The following RIMS1 variants were observed in gnomAD, a reference collection of about 807,000 sequenced individuals.
The protein encoded by RIMS1 is regulating synaptic membrane exocytosis protein 1.
RIMS1 carries 83 observed loss-of-function variants against 214.1 expected under a neutral mutation model. That is an observed-to-expected ratio of 0.39 (90% confidence interval 0.32 to 0.47). RIMS1 has a LOEUF of 0.47. Ranked by LOEUF, RIMS1 falls within the 20% of genes least tolerant of loss-of-function variation. The pLI, the probability that RIMS1 is intolerant of heterozygous loss-of-function variation, is 0.99. For synonymous variants in RIMS1, 793 were observed against 786.8 expected (o/e 1.01, Z -0.13); for missense variants, 2,050 against 2,161.8 (o/e 0.95, Z 1.03).
chr6:71,946,878 CA>C (rs1401668241), intron 1 of RIMS1, among the ~76,000 whole-genome samples: 1 of 151,642 alleles, frequency 6.6e-6, no homozygotes, highest in African/African-American at 2.4e-5. Context: ...AATATATTTG[CA>C]AAATGTACAT....
At chr6:71,887,920 A>C (rs140606160) in intron 1 of RIMS1, among the ~76,000 whole-genome samples, 1 of 152,324 alleles carries the variant, frequency 6.6e-6, no homozygotes, top group African/African-American at 2.4e-5. Flanking sequence ...TGAATAACAT[A>C]GAGGTTCCTC....
At chr6:71,917,814 AT>A (rs1778867244) in intron 1 of RIMS1, among the ~76,000 whole-genome samples, 1 of 152,146 alleles carries the variant, frequency 6.6e-6, no homozygotes, top group African/African-American at 2.4e-5. Context: ...TACAAAACAT[AT>A]TTCAAAAGTG....
At position 72,163,252 on chromosome 6, in the gene RIMS1, T is replaced by G. The variant is rs1291474903; in HGVS notation, c.472-16323T>G. ...CAGCTCCATCAGGTCCTTTAAGGACTTCTCTGCTTTGGTTATTCTAGTTAG... is the reference window on the plus strand; with the variant it reads ...CAGCTCCATCAGGTCCTTTAAGGACGTCTCTGCTTTGGTTATTCTAGTTAG... On this transcript the variant is annotated intron_variant, in intron 4 of 33. Coordinates refer to ENST00000521978, the MANE Select transcript of RIMS1 (RefSeq NM_014989.7). Among the ~76,000 whole-genome samples, 2 of 140,378 alleles carry G rather than the reference T, an allele frequency of 1.4e-5. 1 individual carries two copies. The highest frequency in any genetic ancestry group is 3.2e-5 in the Non-Finnish European group (2 of 61,848). The allele number at this position is 140,378 out of a possible 152,430, so 92.1% of individuals were successfully genotyped here. A position where few individuals can be genotyped will look rare whatever the true frequency, so the allele number is the denominator to read the frequency against.
rs754554636 is a variant in RIMS1 at position 72,333,612 on chromosome 6, C to T, written c.4143C>T (p.Pro1381=). Residue 1381 remains proline (P), a synonymous_variant, in exon 29 of 34, where the codon CCC becomes CCT. Transcript: ENST00000521978. The part of the protein sequence containing the change: ...RPRGRISSFT[P]KMQGRRMGTS... ...TTTGTAAATATAGTTCATTTACCCC[C>T]AAAATGCAAGGCAGACGGATGGGGA... The T allele has an allele frequency of 1.9e-6, 3 of 1,587,644 alleles. No individual in the cohort carries two copies. In the Admixed American group the frequency reaches 5.3e-5, roughly 28 times the overall value.
chr6:72,380,490 A>G (rs912221737), intron 29 of RIMS1, among the ~76,000 whole-genome samples: 1 of 152,240 alleles, frequency 6.6e-6, no homozygotes, highest in Non-Finnish European at 1.5e-5. Flanking sequence ...GGTGGTAGAC[A>G]GTAAGGAGAT....
intron 4 of RIMS1, among the ~76,000 whole-genome samples, chr6:72,178,719 A>G (rs2048053859): frequency 6.6e-6 from 1 of 152,216 alleles, no homozygotes. Flanking sequence ...TGTGACAGCT[A>G]GTCATTGCTG....
rs568750538 is a variant in RIMS1 at position 72,221,094 on chromosome 6, C to T, written c.1679-12679C>T. Among the ~76,000 whole-genome samples, 23 of 152,114 alleles carry T rather than the reference C, an allele frequency of 1.5e-4. No homozygotes were observed. The South Asian group carries it at 3.9e-3, about 26-fold the overall frequency. On this transcript the variant is annotated intron_variant, in intron 6 of 33. Transcript: ENST00000521978. ...TGAAGTTTTTGCTTGAAGCTGTCCC[C>T]TTTGAGTTTGCTATATAGAGTCTTT...
rs1259453400 is a variant in RIMS1, at chr6:72,251,025, G to A, written c.2477G>A (p.Arg826Gln). 1.3e-5 allele frequency: 20 copies of A among 1,578,090 alleles called. No homozygotes were observed. Among genetic ancestry groups the A allele is most frequent in the Non-Finnish European group, 1.7e-5 (20 of 1,160,908 alleles). ...GTACATCGTAGAGATTTTAGAGAAC[G>A]AATGTTAGAAATAACTGTGTGGGAC... is the stretch of plus-strand genomic sequence containing the variant. ...SHVHRRDFRERMLEITVWDQP... is the reference protein window; with the variant it reads ...SHVHRRDFREQMLEITVWDQP... Residue 826 changes from arginine to glutamine, a missense_variant, in exon 14 of 34, where the codon CGA (arginine) becomes CAA (glutamine). Arg to Gln is a conservative substitution (Grantham distance 43, BLOSUM62 1). This residue lies in a region of RIMS1 where 889 missense variants were observed against 885.5 expected (regional missense o/e 1.00). Transcript: ENST00000521978.
chr6:72,274,496 G>A, intron 23 of RIMS1, 64 bp downstream of exon 23: 4 of 1,266,954 alleles, frequency 3.2e-6, no homozygotes, highest in South Asian at 1.2e-5. Flanking sequence ...CCAACTGAAG[G>A]ATAACCAAGA....
chr6:71,966,947 G>T (rs1381286032), intron 1 of RIMS1, among the ~76,000 whole-genome samples: 1 of 152,190 alleles, frequency 6.6e-6, no homozygotes, highest in Non-Finnish European at 1.5e-5. Context: ...TTAAGTAGTA[G>T]ATTTGTTTTA....
At chr6:71,987,540 A>G (rs540986994) in intron 2 of RIMS1, among the ~76,000 whole-genome samples, 71 of 152,290 alleles carry the variant, frequency 4.7e-4, no homozygotes, top group Middle Eastern at 3.4e-3. Context: ...AGACTACAAC[A>G]TATGAATTTT....
At chr6:72,184,433 G>A (rs1160173098) in intron 6 of RIMS1, among the ~76,000 whole-genome samples, 10 of 152,144 alleles carry the variant, frequency 6.6e-5, no homozygotes, top group Admixed American at 6.5e-4. Flanking sequence ...CACTTTTTGT[G>A]AAAAACTTTT....
At chr6:71,899,096 ATATTT>A (rs557037822) in intron 1 of RIMS1, among the ~76,000 whole-genome samples, 95 of 152,214 alleles carry the variant, frequency 6.2e-4, no homozygotes, top group African/African-American at 2.0e-3. Flanking sequence ...GGACTAAGAA[ATATTT>A]TATTTAAAGA....
intron 4 of RIMS1, among the ~76,000 whole-genome samples, chr6:72,100,788 G>A (rs143628889): frequency 8.7e-5 from 13 of 149,316 alleles, no homozygotes; most frequent in African/African-American, 2.9e-4. Flanking sequence ...CAACTGAGCT[G>A]CCTTTGTTCA....
chr6:72,256,251 T>C (rs2075811097), intron 16 of RIMS1, among the ~76,000 whole-genome samples: 1 of 152,118 alleles, frequency 6.6e-6, no homozygotes, highest in Non-Finnish European at 1.5e-5. Context: ...CTTTGAATAT[T>C]ATAGCATATG....
intron 2 of RIMS1, among the ~76,000 whole-genome samples, chr6:72,046,127 A>C (rs1380621094): frequency 6.6e-6 from 1 of 152,108 alleles, no homozygotes; most frequent in South Asian, 2.1e-4. Flanking sequence ...TGACTGATTC[A>C]GCACTTATGT....
intron 1 of RIMS1, among the ~76,000 whole-genome samples, chr6:71,926,387 GT>G (rs1781572353): frequency 6.6e-6 from 1 of 152,122 alleles, no homozygotes; most frequent in Non-Finnish European, 1.5e-5. Flanking sequence ...ACTTTCCCAT[GT>G]TTAGCTGTAC....
Position 72,265,480 on chromosome 6 carries a change from A to T in RIMS1, c.3285A>T (p.Arg1095Ser), listed in dbSNP as rs2080100892. The change falls in exon 21 of 34, where the codon AGA becomes AGT. Residue 1095 changes from arginine to serine, a missense_variant. Arg to Ser is a moderately radical substitution (Grantham distance 110). Coordinates refer to ENST00000521978, the MANE Select transcript of RIMS1 (RefSeq NM_014989.7). ...AATGCTTTAACTCAACAGTATTGAG[A>T]TTTACTGATGAAATACTGGTTAGGT... ...HHECFNSTVLRFTDEILVSEL... is the reference protein window; with the variant it reads ...HHECFNSTVLSFTDEILVSEL... 1 of 1,583,584 alleles carries T rather than the reference A, an allele frequency of 6.3e-7. No homozygotes were observed. Among genetic ancestry groups the T allele is most frequent in the South Asian group, 1.1e-5 (1 of 89,856 alleles).
rs1169113978 is a variant in RIMS1, at chr6:72,066,013, A to G, written c.246-30936A>G. ...ATACTCCAAGATTAAGTACAGGAAC[A>G]CATGCCTTTTCCATTCCATTGAACT... On this transcript the variant is annotated intron_variant, in intron 2 of 33. Coordinates refer to ENST00000521978, the MANE Select transcript of RIMS1 (RefSeq NM_014989.7). 3.3e-5 allele frequency among the ~76,000 whole-genome samples: 5 copies of G among 152,234 alleles called. No homozygotes were observed. The East Asian group carries it at 9.6e-4, about 29-fold the overall frequency.
Sources: allele counts gnomAD v4.1 joint callset (sites outside exome capture counted in the v4.1 genomes callset), GRCh38; gene constraint gnomAD v4.1.1; regional missense constraint gnomAD v4.1.1; transcripts MANE v1.5; gene names NCBI Gene and HGNC (gene_info 2026-07-23, HGNC 2026-07-21).